Variants in ACO2 observed in about 807,000 individuals in gnomAD.
ACO2 encodes the protein aconitase 2.
ACO2 carries 31 observed loss-of-function variants against 84.5 expected under a neutral mutation model. The observed-to-expected ratio is 0.37, with a 90% CI of 0.28 to 0.50. The LOEUF (loss-of-function observed/expected upper bound fraction) is 0.50. Ranked by LOEUF, ACO2 falls within the 20% of genes least tolerant of loss-of-function variation. The pLI is 0.97. For missense variants in ACO2, 685 were observed against 1,029.3 expected, an observed-to-expected ratio of 0.67 and a Z score of 4.58; for synonymous variants, 414 against 412.7, an observed-to-expected ratio of 1.00 and a Z score of -0.04.
At chr22:41,484,399 A>AGG (rs1312655105) in intron 1 of ACO2, among the ~76,000 whole-genome samples, 14 of 152,200 alleles carry the variant, frequency 9.2e-5, no homozygotes, top group African/African-American at 3.1e-4. Context: ...ATCCTGTACC[A>AGG]GGCCAGGGAG....
At chr22:41,520,072 CCT>C in intron 8 of ACO2, 97 bp from the exon 9 acceptor site, 1 of 1,041,072 alleles carries the variant, frequency 9.6e-7, no homozygotes, top group Non-Finnish European at 1.4e-6. Flanking sequence ...AAGTCGTTGG[CCT>C]CTCTGTGGGG....
In ACO2 at chr22:41,499,797, C is replaced by G. The variant is rs1049852; in HGVS notation, c.108C>G (p.His36Gln). 9.3e-6 allele frequency: 15 copies of G among 1,614,132 alleles called. No homozygotes were observed. Among genetic ancestry groups the G allele is most frequent in the Non-Finnish European group, 1.3e-5 (15 of 1,180,036 alleles). The change falls in exon 2 of 18, where the codon CAC becomes CAG. Residue 36 changes from histidine to glutamine, a missense_variant. Physicochemically the swap from His to Gln is conservative, Grantham distance 24. This residue lies in a region of ACO2 where 98 missense variants were observed against 107.6 expected (regional missense o/e 0.91). Transcript: ENST00000216254. ...LCQRAKVAMSHFEPNEYIHYD... is the reference protein window; with the variant it reads ...LCQRAKVAMSQFEPNEYIHYD... ...AACGGGCCAAGGTGGCGATGAGCCA[C>G]TTTGAGCCCAACGAGTACATCCATT...
At chr22:41,469,261 C>A (rs1432521645) in intron 1 of ACO2, 79 bp downstream of exon 1, 1 of 1,525,432 alleles carries the variant, frequency 6.6e-7, no homozygotes, top group African/African-American at 1.4e-5. Flanking sequence ...CGAGGCAGGG[C>A]GAGGCGGGCC....
rs1568996656 is a variant in ACO2 at position 41,469,155 on chromosome 22, C to T, written c.9C>T (p.Pro3=). 2.5e-6 allele frequency: 4 copies of T among 1,609,824 alleles called. No individual in the cohort carries two copies. The highest frequency in any genetic ancestry group is 2.3e-5 in the East Asian group (1 of 44,352). Residue 3 remains proline, a synonymous_variant, in exon 1 of 18, where the codon CCC becomes CCT. Transcript: ENST00000216254. MA[P]YSLLVTRLQK... ...CTTTGTCAGTGCACAAAATGGCGCC[C>T]TACAGCCTACTGGTGACTCGGCTGC... is the stretch of plus-strand genomic sequence containing the variant.
At chr22:41,522,745 C>T in intron 9 of ACO2, 85 bp from the exon 10 acceptor site, 1 of 1,498,846 alleles carries the variant, frequency 6.7e-7, no homozygotes, top group Admixed American at 2.0e-5. Context: ...CTCTTTTGGC[C>T]AAGTCTGGAT....
At chr22:41,477,352 G>A (rs2038029838) in intron 1 of ACO2, among the ~76,000 whole-genome samples, 1 of 151,314 alleles carries the variant, frequency 6.6e-6, no homozygotes, top group Admixed American at 6.6e-5. Flanking sequence ...GTAGAGATGG[G>A]GTTTCACGGT....
intron 2 of ACO2, among the ~76,000 whole-genome samples, chr22:41,501,682 A>T (rs1417214862): frequency 6.6e-6 from 1 of 152,070 alleles, no homozygotes; most frequent in Admixed American, 6.5e-5. Context: ...TCAGCTGGAG[A>T]AGGAACCTGC....
intron 3 of ACO2, 21 bp downstream of exon 3, chr22:41,508,070 GGGGTGGGCAAGTGGGCAAGACT>G (rs1245337789): frequency 6.3e-7 from 1 of 1,598,890 alleles, no homozygotes; most frequent in African/African-American, 1.3e-5. Context: ...GGTGGCTTTG[GGGGTGGGCAAGTGGGCAAGACT>G]GGGCGAGAGG....
In ACO2 at chr22:41,511,930, G is replaced by A. The variant is rs759920667; in HGVS notation, c.487G>A (p.Val163Met). 6 of 1,611,236 alleles carry A rather than the reference G, an allele frequency of 3.7e-6. No individual in the cohort carries two copies. Among genetic ancestry groups the A allele is most frequent in the Admixed American group, 1.7e-5 (1 of 59,704 alleles). The change falls in exon 4 of 18, where the codon GTG becomes ATG. Residue 163 changes from valine to methionine, a missense_variant. Transcript: ENST00000216254. ...FLATAGAKYG[V>M]GFWKPGSGII... ...GGCAACTGCAGGTGCCAAATATGGC[G>A]TGGGCTTCTGGAAGCCTGGATCTGG...
chr22:41,472,732 G>A (rs951664057), intron 1 of ACO2, among the ~76,000 whole-genome samples: 5 of 152,292 alleles, frequency 3.3e-5, no homozygotes, highest in Admixed American at 2.6e-4. Context: ...ACAAGCGTGA[G>A]CCACTGCAAC....
chr22:41,477,017 C>T (rs937185511), intron 1 of ACO2, among the ~76,000 whole-genome samples: 5 of 151,304 alleles, frequency 3.3e-5, no homozygotes, highest in African/African-American at 1.2e-4. Flanking sequence ...GGCATGGTGG[C>T]GTGTACCTGT....
chr22:41,521,890 G>T (rs539745170), intron 9 of ACO2, among the ~76,000 whole-genome samples: 31 of 151,932 alleles, frequency 2.0e-4, no homozygotes, highest in African/African-American at 7.2e-4. Flanking sequence ...TTCTGCCTCA[G>T]CCTCCCGAGT....
intron 3 of ACO2, 122 bp downstream of exon 3, chr22:41,508,171 C>G (rs1324234187): frequency 5.5e-6 from 7 of 1,264,816 alleles, no homozygotes; most frequent in Middle Eastern, 2.2e-4. Context: ...GATTGGTCTG[C>G]TTTTAAAACT....
chr22:41,502,019 C>T (rs1317918141), intron 2 of ACO2, among the ~76,000 whole-genome samples: 1 of 152,144 alleles, frequency 6.6e-6, no homozygotes, highest in Non-Finnish European at 1.5e-5. Context: ...CTGCCCCCCA[C>T]CATTCTGCAG....
At chr22:41,509,740 A>G (rs1168805368) in intron 3 of ACO2, among the ~76,000 whole-genome samples, 1 of 151,392 alleles carries the variant, frequency 6.6e-6, no homozygotes, top group Non-Finnish European at 1.5e-5. Context: ...GCAGCCAGGA[A>G]CGCGAGGGCT....
intron 16 of ACO2, chr22:41,527,622 G>A (rs2066629960): frequency 2.4e-6 from 2 of 844,272 alleles, no homozygotes; most frequent in African/African-American, 1.7e-5. Flanking sequence ...CCTGCTTCCA[G>A]GCTTGTAGAT....
chr22:41,484,367 G>A (rs1319370072), intron 1 of ACO2, among the ~76,000 whole-genome samples: 1 of 152,148 alleles, frequency 6.6e-6, no homozygotes, highest in Non-Finnish European at 1.5e-5. Context: ...TGGAGTCATT[G>A]AGTATTAGAG....
chr22:41,484,791 T>C (rs2038131824), intron 1 of ACO2, among the ~76,000 whole-genome samples: 1 of 152,292 alleles, frequency 6.6e-6, no homozygotes. Flanking sequence ...TATTATTCTT[T>C]TTTTCCAAGT....
At chr22:41,483,636 G>A (rs1006310687) in intron 1 of ACO2, among the ~76,000 whole-genome samples, 3 of 150,470 alleles carry the variant, frequency 2.0e-5, no homozygotes, top group Non-Finnish European at 2.9e-5. Context: ...CAGCATGGGC[G>A]ACAGAGTGAG....
Sources: allele counts gnomAD v4.1 joint callset (sites outside exome capture counted in the v4.1 genomes callset), GRCh38; gene constraint gnomAD v4.1.1; regional missense constraint gnomAD v4.1.1; transcripts MANE v1.5; gene names NCBI Gene and HGNC (gene_info 2026-07-23, HGNC 2026-07-21).